The following SPRY4 variants were observed in gnomAD, a reference collection of about 807,000 sequenced individuals.
SPRY4 encodes the protein protein sprouty homolog 4.
A neutral mutation model predicts 17.0 loss-of-function variants in SPRY4; 7 were observed. The observed-to-expected ratio is 0.41, with a 90% CI of 0.23 to 0.77. The LOEUF (loss-of-function observed/expected upper bound fraction) is 0.77, where lower values mean the gene tolerates loss of function less well. Among genes scored for constraint, SPRY4 ranks in the 30% least tolerant of loss-of-function variants. The probability of loss-of-function intolerance (pLI) is 0.32; values close to 1 mark genes in which losing one functional copy is unlikely to be tolerated. For missense variants in SPRY4, 435 were observed against 419.9 expected (o/e 1.04, Z -0.31); for synonymous variants, 183 against 174.1 (o/e 1.05, Z -0.40).
chr5:142,319,847 T>C, intron 1 of SPRY4: 1 of 1,543,664 alleles, frequency 6.5e-7, no homozygotes, highest in East Asian at 2.3e-5. Flanking sequence ...GCAGGATGCC[T>C]AATCCCACCC....
rs1242403240 is a variant in SPRY4, at chr5:142,310,808, A to T, written c.*3401T>A. On this transcript the variant is annotated 3_prime_UTR_variant, in exon 2 of 2. Coordinates refer to ENST00000434127, the MANE Select transcript of SPRY4 (RefSeq NM_001127496.3). ...CGCAAGATTCATCATCGACTGTCACAGTAAGCAGAGGGGGCACAAAAATGC... is the reference window on the plus strand; with the variant it reads ...CGCAAGATTCATCATCGACTGTCACTGTAAGCAGAGGGGGCACAAAAATGC... 6.6e-6 allele frequency: 1 copy of T among 152,294 alleles called. No homozygotes were observed. Among genetic ancestry groups the T allele is most frequent in the African/African-American group, 2.4e-5 (1 of 41,470 alleles). The allele number at this position is 152,294 out of a possible 1,614,324, so 9.4% of individuals were successfully genotyped here. A position where few individuals can be genotyped will look rare whatever the true frequency, so the allele number is the denominator to read the frequency against.
rs1236069476 is a variant in SPRY4 at position 142,322,482 on chromosome 5, A to AT, written c.-48+2361_-48+2362insA. ...CAAGACTCGTCTCAAGAAAAAAAAA[A>AT]AATATATATATATATATATAAATGA... On this transcript the variant is annotated intron_variant, in intron 1 of 1. Transcript: ENST00000434127. Among the ~76,000 whole-genome samples the AT allele has an allele frequency of 2.7e-3, 351 of 129,786 alleles. 2 individuals carry two copies. Among genetic ancestry groups the AT allele is most frequent in the African/African-American group, 6.3e-3 (246 of 39,054 alleles). The allele number at this position is 129,786 out of a possible 152,430, so 85.1% of individuals were successfully genotyped here.
At chr5:142,317,977 T>C (rs1194206247) in intron 1 of SPRY4, 1 of 985,190 alleles carries the variant, frequency 1.0e-6, no homozygotes, top group African/African-American at 1.7e-5. Context: ...TTCCCTATTA[T>C]AACCCCGATG....
At chr5:142,323,279 G>T (rs925750603) in intron 1 of SPRY4, among the ~76,000 whole-genome samples, 1 of 148,724 alleles carries the variant, frequency 6.7e-6, no homozygotes, top group African/African-American at 2.4e-5. Context: ...GTCAGCTACA[G>T]ACACAGACGA....
rs542857494 is a variant in SPRY4, at chr5:142,324,968, A to C, written c.-172T>G. The stretch of plus-strand genomic sequence containing the variant: ...GAACCGGCAAGGCTCCCTGCGCTCC[A>C]CAGCGCCAGCTCCGCGCTGTCAGCT... On this transcript the variant is annotated 5_prime_UTR_variant, in exon 1 of 2. Coordinates refer to ENST00000434127, the MANE Select transcript of SPRY4 (RefSeq NM_001127496.3). 1 of 152,834 alleles carries C rather than the reference A, an allele frequency of 6.5e-6. No homozygotes were observed. The highest frequency in any genetic ancestry group is 6.5e-5 in the Admixed American group (1 of 15,312). 9.5% of individuals were successfully genotyped at this position (152,834 alleles called of 1,614,324 possible).
chr5:142,315,259 G>A, intron 1 of SPRY4, 104 bp from the exon 2 acceptor site: 1 of 703,002 alleles, frequency 1.4e-6, no homozygotes, highest in South Asian at 1.9e-5. Flanking sequence ...CCGCCCAATT[G>A]ACATAGGAAC....
intron 1 of SPRY4, among the ~76,000 whole-genome samples, chr5:142,319,210 T>C (rs1289211768): frequency 2.0e-5 from 3 of 152,122 alleles, no homozygotes. Context: ...CGGAACATCA[T>C]TAGAACATCC....
intron 1 of SPRY4, among the ~76,000 whole-genome samples, chr5:142,322,118 C>T (rs969927454): frequency 3.9e-5 from 6 of 152,170 alleles, no homozygotes; most frequent in African/African-American, 1.2e-4. Context: ...TGGGTGGGTG[C>T]GAACTGGGCA....
At position 142,324,902 on chromosome 5, in the gene SPRY4, G is replaced by C. The variant is rs1185324103; in HGVS notation, c.-106C>G. ...ACGTCTGTGTAAATCCTGAAGCCGG[G>C]GCAGGTTAGCCGCCGCTGTACTCGC... On this transcript the variant is annotated 5_prime_UTR_variant, in exon 1 of 2. Coordinates refer to ENST00000434127, the MANE Select transcript of SPRY4 (RefSeq NM_001127496.3). 1 of 152,704 alleles carries C rather than the reference G, an allele frequency of 6.5e-6. No homozygotes were observed. Among genetic ancestry groups the C allele is most frequent in the Non-Finnish European group, 1.5e-5 (1 of 68,058 alleles). 9.5% of individuals were successfully genotyped at this position (152,704 alleles called of 1,614,324 possible). A position where few individuals can be genotyped will look rare whatever the true frequency, so the allele number is the denominator to read the frequency against.
chr5:142,314,966 A>G lies in SPRY4; in HGVS notation c.143T>C (p.Val48Ala), dbSNP rs1186096196. ...LPIDQVKTSH[V>A]ENDYIDNPSL... ...AGGGTTGTCTATGTAGTCATTCTCC[A>G]CATGGCTGGTCTTCACCTGGTCAAT... The change falls in exon 2 of 2, where the codon GTG becomes GCG. Residue 48 changes from valine to alanine, a missense_variant. By Grantham distance (64) the Val-to-Ala change is moderately conservative. Coordinates refer to ENST00000434127, the MANE Select transcript of SPRY4 (RefSeq NM_001127496.3). The surrounding 1 kb of genome is among the most constrained non-coding windows in gnomAD (Gnocchi z 4.8). 2.5e-6 allele frequency: 4 copies of G among 1,614,088 alleles called. No individual in the cohort carries two copies. Among genetic ancestry groups the G allele is most frequent in the Middle Eastern group, 1.6e-4 (1 of 6,062 alleles).
rs1254399474 is a variant in SPRY4 at position 142,313,787 on chromosome 5, T to C, written c.*422A>G. On this transcript the variant is annotated 3_prime_UTR_variant, in exon 2 of 2. Coordinates refer to ENST00000434127, the MANE Select transcript of SPRY4 (RefSeq NM_001127496.3). The stretch of plus-strand genomic sequence containing the variant: ...CAGTTAACAATTCCTCCCAGGCAGC[T>C]AGCTCCTGTGAGAGCCAAAGACAAT... The C allele has an allele frequency of 6.4e-6, 1 of 156,132 alleles. No homozygotes were observed. The highest frequency in any genetic ancestry group is 1.2e-5 in the Non-Finnish European group (1 of 81,832). 9.7% of individuals were successfully genotyped at this position (156,132 alleles called of 1,614,324 possible).
rs1194471405 is a variant in SPRY4, at chr5:142,314,896, G to A, written c.213C>T (p.Ala71=). The change falls in exon 2 of 2, where the codon GCC becomes GCT. Residue 71 remains alanine, a synonymous_variant. Transcript: ENST00000434127. This position sits in a 1 kb window ranked among gnomAD's most constrained non-coding sequence, Gnocchi z 4.8. ...TTGPKRTRGG[A]PELAPTPARC... Reference sequence around the variant, plus strand: ...GGGCGGGCGTCGGGGCCAGCTCTGGGGCCCCGCCCCGGGTCCGCTTTGGGC... The same window carrying A: ...GGGCGGGCGTCGGGGCCAGCTCTGGAGCCCCGCCCCGGGTCCGCTTTGGGC... 4 of 1,606,270 alleles carry A rather than the reference G, an allele frequency of 2.5e-6. No homozygotes were observed. Among genetic ancestry groups the A allele is most frequent in the Admixed American group, 1.7e-5 (1 of 59,584 alleles).
Position 142,314,131 on chromosome 5 carries a change from TG to T in SPRY4, c.*77del. 6.8e-7 allele frequency: 1 copy of T among 1,470,596 alleles called. No homozygotes were observed. Among genetic ancestry groups the T allele is most frequent in the Non-Finnish European group, 9.1e-7 (1 of 1,101,180 alleles). 91.1% of individuals were successfully genotyped at this position (1,470,596 alleles called of 1,614,324 possible). ...GTCAGCCTCAGGAGGCTAAAACCTC[TG>T]ACCTTGCTGCAGTCTTCTTAGATGT... is the stretch of plus-strand genomic sequence containing the variant. On this transcript the variant is annotated 3_prime_UTR_variant, in exon 2 of 2. Coordinates refer to ENST00000434127, the MANE Select transcript of SPRY4 (RefSeq NM_001127496.3). This position sits in a 1 kb window ranked among gnomAD's most constrained non-coding sequence, Gnocchi z 4.8.
At position 142,315,155 on chromosome 5, in the gene SPRY4, C is replaced by G. The variant is rs780569267; in HGVS notation, c.-47G>C. 3.2e-6 allele frequency: 5 copies of G among 1,577,130 alleles called. No homozygotes were observed. Among genetic ancestry groups the G allele is most frequent in the Non-Finnish European group, 3.4e-6 (4 of 1,163,672 alleles). On this transcript the variant is annotated splice_region_variant and 5_prime_UTR_variant, in exon 2 of 2. Coordinates refer to ENST00000434127, the MANE Select transcript of SPRY4 (RefSeq NM_001127496.3). ...TACGGAGAAACAGGCTTCTAGGGGC[C>G]CTGGGGGTGGGGTGGGGAAAAGGAA...
In SPRY4 at chr5:142,314,659, G is replaced by T. The variant is rs749035667; in HGVS notation, c.450C>A (p.Pro150=). The part of the protein sequence containing the change: ...PLDLKGPAVP[P]ELDKHFLLCE... ...ACAGCAAGAAGTGCTTGTCCAGCTC[G>T]GGTGGGACCGCCGGGCCCTTGAGGT... The change falls in exon 2 of 2, where the codon CCC becomes CCA. Residue 150 remains proline, a synonymous_variant. Coordinates refer to ENST00000434127, the MANE Select transcript of SPRY4 (RefSeq NM_001127496.3). The surrounding 1 kb of genome is among the most constrained non-coding windows in gnomAD (Gnocchi z 4.8). The T allele has an allele frequency of 6.2e-7, 1 of 1,614,114 alleles. No individual in the cohort carries two copies. Among genetic ancestry groups the T allele is most frequent in the African/African-American group, 1.3e-5 (1 of 74,948 alleles).
chr5:142,316,357 TC>T (rs1299703703), intron 1 of SPRY4, among the ~76,000 whole-genome samples: 1 of 152,174 alleles, frequency 6.6e-6, no homozygotes, highest in East Asian at 1.9e-4. Flanking sequence ...AAGTGCCATT[TC>T]CTTGCCTGCT....
At position 142,314,297 on chromosome 5, in the gene SPRY4, G is replaced by C; in HGVS notation, c.812C>G (p.Pro271Arg). 3 of 1,613,880 alleles carry C rather than the reference G, an allele frequency of 1.9e-6. No individual in the cohort carries two copies. Among genetic ancestry groups the C allele is most frequent in the African/African-American group, 1.3e-5 (1 of 75,058 alleles). The change falls in exon 2 of 2, where the codon CCT becomes CGT. Residue 271 changes from proline to arginine, a missense_variant. Transcript: ENST00000434127. The surrounding 1 kb of genome is among the most constrained non-coding windows in gnomAD (Gnocchi z 4.8). ...AQRGYDRLRR[P>R]GCRCKHTNSV... ...GTTCGTGTGCTTGCAGCGGCAACCA[G>C]GGCGGCGCAGACGGTCGTAGCCACG...
At chr5:142,319,813 C>A in intron 1 of SPRY4, 1 of 1,603,978 alleles carries the variant, frequency 6.2e-7, no homozygotes, top group Non-Finnish European at 8.5e-7. Context: ...AATCAAGAGG[C>A]ATGTTAAATG....
Position 142,324,921 on chromosome 5 carries a change from T to G in SPRY4, c.-125A>C, listed in dbSNP as rs1207255626. 2 of 152,716 alleles carry G rather than the reference T, an allele frequency of 1.3e-5. No homozygotes were observed. The highest frequency in any genetic ancestry group is 4.8e-5 in the African/African-American group (2 of 41,478). The allele number at this position is 152,716 out of a possible 1,614,324, so 9.5% of individuals were successfully genotyped here. ...AGCCGGGGCAGGTTAGCCGCCGCTGTACTCGCAGACGCCGGTCGGAGGAAC... is the reference window on the plus strand; with the variant it reads ...AGCCGGGGCAGGTTAGCCGCCGCTGGACTCGCAGACGCCGGTCGGAGGAAC... On this transcript the variant is annotated 5_prime_UTR_variant, in exon 1 of 2. Transcript: ENST00000434127.
Sources: allele counts gnomAD v4.1 joint callset (sites outside exome capture counted in the v4.1 genomes callset), GRCh38; gene constraint gnomAD v4.1.1; non-coding constraint Gnocchi (gnomAD v3.1); transcripts MANE v1.5; gene names NCBI Gene and HGNC (gene_info 2026-07-23, HGNC 2026-07-21).